The following GYPE variants were observed in gnomAD, a reference collection of about 807,000 sequenced individuals.
GYPE encodes the protein glycophorin E (MNS blood group).
Under a neutral mutation model 11.6 loss-of-function variants are expected in GYPE, and 8 were observed. The ratio of observed to expected loss-of-function variants is 0.69; its 90% confidence interval spans 0.41 to 1.25. The LOEUF is 1.25. Among genes scored for constraint, GYPE ranks in the 50% most tolerant of loss-of-function variants. The pLI is 0.01. For synonymous variants in GYPE, 28 were observed against 29.6 expected, an observed-to-expected ratio of 0.94 and a Z score of 0.18; for missense variants, 90 against 92.8, an observed-to-expected ratio of 0.97 and a Z score of 0.12.
chr4:143,894,836 A>G (rs1744563273), intron 1 of GYPE, among the ~76,000 whole-genome samples: 1 of 152,094 alleles, frequency 6.6e-6, no homozygotes, highest in African/African-American at 2.4e-5. Flanking sequence ...CCTGGGATGC[A>G]AGGCTGGTTC....
chr4:143,872,767 A>C (rs190350999), intron 3 of GYPE, among the ~76,000 whole-genome samples: 4,934 of 152,248 alleles, frequency 0.032, 113 homozygotes, highest in South Asian at 0.046. Context: ...ATATGAAGCA[A>C]AAAAAGGAGA....
At chr4:143,896,478 G>C (rs1744643908) in intron 1 of GYPE, among the ~76,000 whole-genome samples, 1 of 152,202 alleles carries the variant, frequency 6.6e-6, no homozygotes, top group Non-Finnish European at 1.5e-5. Context: ...ACACCAGTTA[G>C]AATGGCAATC....
At chr4:143,878,734 T>A (rs528044675) in intron 2 of GYPE, 2 of 465,732 alleles carry the variant, frequency 4.3e-6, no homozygotes, top group Non-Finnish European at 8.8e-6. Flanking sequence ...AAGAAAAAAA[T>A]CATTTTGGAA....
chr4:143,898,372 A>G (rs2149915734), intron 1 of GYPE, among the ~76,000 whole-genome samples: 1 of 152,316 alleles, frequency 6.6e-6, no homozygotes, highest in East Asian at 1.9e-4. Context: ...ACGAGACTCC[A>G]TCTTCAAAAT....
intron 1 of GYPE, among the ~76,000 whole-genome samples, chr4:143,880,725 T>G (rs541882490): frequency 6.6e-6 from 1 of 152,348 alleles, no homozygotes; most frequent in South Asian, 2.1e-4. Context: ...CTCCAGAATT[T>G]CTGCATGGCA....
At chr4:143,898,184 C>A (rs979111329) in intron 1 of GYPE, among the ~76,000 whole-genome samples, 19 of 152,254 alleles carry the variant, frequency 1.2e-4, no homozygotes, top group African/African-American at 3.1e-4. Flanking sequence ...GGAGACCAGC[C>A]TGGGCAACAC....
In GYPE at chr4:143,901,268, A is replaced by G. The variant is rs532376590; in HGVS notation, c.37+4203T>C. Among the ~76,000 whole-genome samples the G allele has an allele frequency of 5.9e-5, 9 of 152,308 alleles. No homozygotes were observed. In the South Asian group the frequency reaches 1.9e-3, roughly 32 times the overall value. On this transcript the variant is annotated intron_variant, in intron 1 of 3. Coordinates refer to ENST00000358615, the MANE Select transcript of GYPE (RefSeq NM_198682.3). Reference sequence around the variant, plus strand: ...TTAATAAATATCACAAATAAATTGTATAGTCATAGTCTATGACCAACGTAC... The same window carrying G: ...TTAATAAATATCACAAATAAATTGTGTAGTCATAGTCTATGACCAACGTAC...
chr4:143,903,985 T>A (rs1744966236), intron 1 of GYPE, among the ~76,000 whole-genome samples: 2 of 152,158 alleles, frequency 1.3e-5, no homozygotes, highest in South Asian at 4.1e-4. Flanking sequence ...CATCTTTTTT[T>A]TCTGTGTAAT....
chr4:143,875,383 T>A, intron 3 of GYPE: 1 of 1,347,366 alleles, frequency 7.4e-7, no homozygotes, highest in East Asian at 2.5e-5. Context: ...AACAGGGAGT[T>A]AGGATAGCCA....
In GYPE at chr4:143,882,460, A is replaced by T. The variant is rs546673314; in HGVS notation, c.38-1951T>A. On this transcript the variant is annotated intron_variant, in intron 1 of 3. Coordinates refer to ENST00000358615, the MANE Select transcript of GYPE (RefSeq NM_198682.3). ...ATTTGTAGATAATGGAATATGGACC[A>T]TCTATTGTATTTTTGAAAAGGCATA... Among the ~76,000 whole-genome samples the T allele has an allele frequency of 6.6e-5, 10 of 152,334 alleles. 1 individual carries two copies. Among genetic ancestry groups the T allele is most frequent in the Admixed American group, 5.2e-4 (8 of 15,300 alleles).
chr4:143,894,669 C>T (rs543243618), intron 1 of GYPE, among the ~76,000 whole-genome samples: 66 of 152,244 alleles, frequency 4.3e-4, no homozygotes, highest in Middle Eastern at 3.4e-3. Context: ...CCAGCATCAT[C>T]CTGGTACCAG....
intron 2 of GYPE, among the ~76,000 whole-genome samples, chr4:143,877,397 G>A (rs1035073341): frequency 6.6e-6 from 1 of 152,072 alleles, no homozygotes; most frequent in Non-Finnish European, 1.5e-5. Flanking sequence ...TATAATGCAG[G>A]TCATCTATAT....
At chr4:143,905,326 A>G in intron 1 of GYPE, 145 bp downstream of exon 1, 1 of 1,360,850 alleles carries the variant, frequency 7.3e-7, no homozygotes, top group East Asian at 2.5e-5. Flanking sequence ...GCTGAGTTCC[A>G]GTAAAATCCA....
intron 1 of GYPE, among the ~76,000 whole-genome samples, chr4:143,895,139 T>C (rs1228813179): frequency 1.3e-5 from 2 of 152,152 alleles, no homozygotes; most frequent in Non-Finnish European, 2.9e-5. Flanking sequence ...CAACATAGTA[T>C]TGGAAGTTCT....
intron 1 of GYPE, among the ~76,000 whole-genome samples, chr4:143,898,726 C>G (rs1361877561): frequency 2.0e-5 from 3 of 152,218 alleles, no homozygotes; most frequent in Middle Eastern, 6.8e-3. Context: ...TTTTTGCTAA[C>G]GAATCAATGA....
chr4:143,879,520 G>T (rs1743940372), intron 2 of GYPE, among the ~76,000 whole-genome samples: 1 of 152,112 alleles, frequency 6.6e-6, no homozygotes, highest in Non-Finnish European at 1.5e-5. Flanking sequence ...TGTCACAAAA[G>T]CTTGAGAACT....
intron 1 of GYPE, among the ~76,000 whole-genome samples, chr4:143,903,931 G>C (rs1371212606): frequency 6.6e-6 from 1 of 152,114 alleles, no homozygotes; most frequent in East Asian, 1.9e-4. Flanking sequence ...TTTTGTTTGA[G>C]TTACATCCAG....
Position 143,896,319 on chromosome 4 carries a change from C to T in GYPE, c.37+9152G>A, listed in dbSNP as rs1021987819. 2.5e-3 allele frequency among the ~76,000 whole-genome samples: 386 copies of T among 151,696 alleles called. 1 individual carries two copies. The highest frequency in any genetic ancestry group is 8.7e-3 in the African/African-American group (360 of 41,480). On this transcript the variant is annotated intron_variant, in intron 1 of 3. Coordinates refer to ENST00000358615, the MANE Select transcript of GYPE (RefSeq NM_198682.3). Reference sequence around the variant, plus strand: ...CTCAAACAAATTTACAAGAAAAAAACAAACAACCCCATCAAAAAGTGGGCA... The same window carrying T: ...CTCAAACAAATTTACAAGAAAAAAATAAACAACCCCATCAAAAAGTGGGCA...
chr4:143,892,619 T>A (rs1233830439), intron 1 of GYPE, among the ~76,000 whole-genome samples: 2 of 152,070 alleles, frequency 1.3e-5, no homozygotes, highest in Non-Finnish European at 2.9e-5. Flanking sequence ...GTTGAGCGGT[T>A]TTGAGTGAGT....
Sources: allele counts gnomAD v4.1 joint callset (sites outside exome capture counted in the v4.1 genomes callset), GRCh38; gene constraint gnomAD v4.1.1; transcripts MANE v1.5; gene names NCBI Gene and HGNC (gene_info 2026-07-23, HGNC 2026-07-21).